The following CRACD variants were observed in gnomAD, a reference collection of about 807,000 sequenced individuals.
CRACD encodes the protein capping protein inhibiting regulator of actin dynamics.
Under a neutral mutation model 106.8 loss-of-function variants are expected in CRACD, and 56 were observed. The observed-to-expected ratio is 0.52, with a 90% CI of 0.42 to 0.66. The LOEUF (loss-of-function observed/expected upper bound fraction) is 0.66, where lower values mean the gene tolerates loss of function less well. Ranked by LOEUF, CRACD falls within the 30% of genes least tolerant of loss-of-function variation. CRACD has a pLI of 0.00. For synonymous variants in CRACD, 754 were observed against 670.8 expected (o/e 1.12, Z -1.92); for missense variants, 1,730 against 1,623.2 (o/e 1.07, Z -1.13).
intron 2 of CRACD, among the ~76,000 whole-genome samples, chr4:56,210,989 T>G (rs1356806565): frequency 6.6e-6 from 1 of 152,134 alleles, no homozygotes; most frequent in African/African-American, 2.4e-5. Context: ...TCTTGAAGAG[T>G]CTTTAAAAAA....
intron 1 of CRACD, among the ~76,000 whole-genome samples, chr4:56,164,648 T>C (rs1736075603): frequency 6.6e-6 from 1 of 151,724 alleles, no homozygotes; most frequent in African/African-American, 2.4e-5. Flanking sequence ...GTACCAGAGG[T>C]TGGGGACGGA....
chr4:56,088,915 A>G (rs1733323308), intron 1 of CRACD, among the ~76,000 whole-genome samples: 2 of 152,100 alleles, frequency 1.3e-5, no homozygotes, highest in South Asian at 4.1e-4. Flanking sequence ...TGGTAGAGAC[A>G]GGTTTCGCCA....
intron 2 of CRACD, among the ~76,000 whole-genome samples, chr4:56,223,975 T>C (rs1739174455): frequency 6.6e-6 from 1 of 152,102 alleles, no homozygotes; most frequent in Non-Finnish European, 1.5e-5. Context: ...CCCAAGCTGG[T>C]CTTGGATTCC....
intron 1 of CRACD, among the ~76,000 whole-genome samples, chr4:56,151,468 C>T (rs886306404): frequency 4.0e-5 from 6 of 151,620 alleles, no homozygotes; most frequent in East Asian, 3.9e-4. Context: ...TTTCTTGAGC[C>T]GTTTAAGAGT....
chr4:56,079,767 A>G (rs1732961287), intron 1 of CRACD, among the ~76,000 whole-genome samples: 2 of 151,976 alleles, frequency 1.3e-5, no homozygotes, highest in Non-Finnish European at 2.9e-5. Flanking sequence ...TTTTCTTTTA[A>G]TCTTCTTTTT....
chr4:56,327,355 G>A (rs1158598623), intron 10 of CRACD, among the ~76,000 whole-genome samples: 4 of 152,172 alleles, frequency 2.6e-5, no homozygotes, highest in South Asian at 4.1e-4. Context: ...TTGGAGAGAT[G>A]TTCATCAAAG....
intron 1 of CRACD, among the ~76,000 whole-genome samples, chr4:56,142,015 T>C (rs910615219): frequency 6.6e-6 from 1 of 152,042 alleles, no homozygotes; most frequent in Non-Finnish European, 1.5e-5. Context: ...TATTACCTTC[T>C]CCAAATTGTG....
intron 1 of CRACD, among the ~76,000 whole-genome samples, chr4:56,051,196 A>C (rs1731861178): frequency 6.6e-6 from 1 of 152,186 alleles, no homozygotes; most frequent in Non-Finnish European, 1.5e-5. Flanking sequence ...GTAGTCATGG[A>C]AAGAAAGAAT....
chr4:56,112,534 G>A (rs1336842391), intron 1 of CRACD, among the ~76,000 whole-genome samples: 4 of 151,994 alleles, frequency 2.6e-5, no homozygotes, highest in African/African-American at 9.7e-5. Context: ...TAGTTGGGGG[G>A]ACCTCTTCCA....
At chr4:56,308,888 T>C (rs970856078) in intron 5 of CRACD, 2 of 1,288,864 alleles carry the variant, frequency 1.6e-6, no homozygotes, top group African/African-American at 3.0e-5. Context: ...TCATAAGTGC[T>C]GGGCACTGTG....
At chr4:56,304,114 T>C (rs1744528310) in intron 4 of CRACD, among the ~76,000 whole-genome samples, 1 of 152,004 alleles carries the variant, frequency 6.6e-6, no homozygotes, top group Admixed American at 6.6e-5. Context: ...TGCCCTCCCC[T>C]GCCAACATCC....
At chr4:56,188,367 A>G (rs981179378) in intron 2 of CRACD, among the ~76,000 whole-genome samples, 3 of 152,126 alleles carry the variant, frequency 2.0e-5, no homozygotes, top group Admixed American at 6.5e-5. Flanking sequence ...AAGGCTTGAC[A>G]TGCTTGGCCC....
chr4:56,314,799 C>G lies in CRACD; in HGVS notation c.1297C>G (p.Gln433Glu). Residue 433 changes from glutamine to glutamate, a missense_variant, in exon 8 of 11, where the codon CAG becomes GAG. Around this residue, in one of 5 missense-constraint regions of CRACD, gnomAD observed 1,620 missense variants for 1,481.6 expected, o/e 1.09. Coordinates refer to ENST00000682029, the MANE Select transcript of CRACD (RefSeq NM_001393381.1). This position sits in a 1 kb window ranked among gnomAD's most constrained non-coding sequence, Gnocchi z 4.4. ...LNDFEERLEDQERLKPEGQRE... is the reference protein window; with the variant it reads ...LNDFEERLEDEERLKPEGQRE... ...CGACTTTGAGGAGAGGCTCGAAGAC[C>G]AGGAACGCCTGAAACCCGAAGGACA... 1 of 1,603,410 alleles carries G rather than the reference C, an allele frequency of 6.2e-7. No individual in the cohort carries two copies. Among genetic ancestry groups the G allele is most frequent in the Admixed American group, 1.7e-5 (1 of 57,348 alleles).
intron 3 of CRACD, among the ~76,000 whole-genome samples, chr4:56,285,640 G>A (rs1289522467): frequency 6.6e-6 from 1 of 152,054 alleles, no homozygotes; most frequent in Non-Finnish European, 1.5e-5. Flanking sequence ...ACAGGGTCTT[G>A]TAGTGTTGTT....
intron 2 of CRACD, among the ~76,000 whole-genome samples, chr4:56,253,532 A>G (rs1014743777): frequency 6.6e-6 from 1 of 152,216 alleles, no homozygotes; most frequent in East Asian, 1.9e-4. Flanking sequence ...AGTCTCTTCA[A>G]GTAAAAAGGA....
chr4:56,267,315 T>G (rs1577831458), intron 2 of CRACD, among the ~76,000 whole-genome samples: 1 of 151,964 alleles, frequency 6.6e-6, no homozygotes, highest in Non-Finnish European at 1.5e-5. Context: ...GTAGAGACGG[T>G]GTTTCACGAT....
chr4:56,136,767 C>T (rs929119222), intron 1 of CRACD, among the ~76,000 whole-genome samples: 4 of 152,130 alleles, frequency 2.6e-5, no homozygotes, highest in Admixed American at 6.6e-5. Flanking sequence ...TTGAAGTCTA[C>T]TGTATTGATT....
chr4:56,230,661 T>TTAG (rs1739567935), intron 2 of CRACD, among the ~76,000 whole-genome samples: 1 of 152,204 alleles, frequency 6.6e-6, no homozygotes, highest in South Asian at 2.1e-4. Flanking sequence ...AGGGCTGAGC[T>TTAG]TAGGCTCCTA....
intron 2 of CRACD, among the ~76,000 whole-genome samples, chr4:56,237,943 G>A (rs1227432787): frequency 6.6e-6 from 1 of 151,866 alleles, no homozygotes; most frequent in Non-Finnish European, 1.5e-5. Context: ...TGTGTTATAT[G>A]TATTGTATAA....
Sources: allele counts gnomAD v4.1 joint callset (sites outside exome capture counted in the v4.1 genomes callset), GRCh38; gene constraint gnomAD v4.1.1; regional missense constraint gnomAD v4.1.1; non-coding constraint Gnocchi (gnomAD v3.1); transcripts MANE v1.5; gene names NCBI Gene and HGNC (gene_info 2026-07-23, HGNC 2026-07-21).